NFIC: variants seen among roughly 807,000 people sequenced by gnomAD.
NFIC encodes the protein nuclear factor I C, also known as nuclear factor 1 C-type.
NFIC carries 12 observed loss-of-function variants against 54.4 expected under a neutral mutation model. That is an observed-to-expected ratio of 0.22 (90% confidence interval 0.14 to 0.36). The LOEUF (loss-of-function observed/expected upper bound fraction) is 0.36, where lower values mean the gene tolerates loss of function less well. Ranked by LOEUF, NFIC falls within the 10% of genes least tolerant of loss-of-function variation. The pLI is 1.00. For missense variants in NFIC, 575 were observed against 718.2 expected (o/e 0.80, Z 2.28); for synonymous variants, 322 against 319.2 (o/e 1.01, Z -0.09).
intron 3 of NFIC, among the ~76,000 whole-genome samples, chr19:3,432,835 C>T (rs747038975): frequency 6.6e-6 from 1 of 151,390 alleles, no homozygotes; most frequent in Admixed American, 6.6e-5. Context: ...CCACCACGCC[C>T]GGCTAATTTT....
intron 6 of NFIC, among the ~76,000 whole-genome samples, chr19:3,443,217 T>G (rs749438776): frequency 8.5e-5 from 13 of 152,282 alleles, no homozygotes; most frequent in Middle Eastern, 3.4e-3. Context: ...GAGGATCGCT[T>G]GAGCCTAGTA....
At position 3,370,113 on chromosome 19, in the gene NFIC, G is replaced by T. The variant is rs3764591; in HGVS notation, c.30+3447G>T. ...TAGGTTCTTAGAGGGAGCTTGGGGG[G>T]TGCCTACCAGGAGCAGGGGGCCTGC... On this transcript the variant is annotated intron_variant, in intron 1 of 10. Coordinates refer to ENST00000443272, the MANE Select transcript of NFIC (RefSeq NM_001245002.2). The surrounding 1 kb of genome is among the most constrained non-coding windows in gnomAD (Gnocchi z 5.2). 0.03 allele frequency among the ~76,000 whole-genome samples: 4,562 copies of T among 152,266 alleles called. 105 individuals are homozygous for T. The highest frequency in any genetic ancestry group is 0.12 in the East Asian group (609 of 5,162).
chr19:3,359,759 G>A, intron 1 of NFIC: 1 of 1,353,058 alleles, frequency 7.4e-7, no homozygotes, highest in Non-Finnish European at 9.6e-7. Context: ...GGCGAAAGTT[G>A]CAAGATCTGG....
chr19:3,456,497 C>T (rs943261945), intron 9 of NFIC, 53 bp from the exon 10 acceptor site: 2 of 1,535,578 alleles, frequency 1.3e-6, no homozygotes, highest in Non-Finnish European at 8.8e-7. Context: ...CAGGGCCGCC[C>T]CGGCTCCCAC....
chr19:3,396,314 A>G (rs1419982431), intron 2 of NFIC, among the ~76,000 whole-genome samples: 1 of 152,030 alleles, frequency 6.6e-6, no homozygotes, highest in Admixed American at 6.6e-5. Context: ...TACTAAAAAT[A>G]TGAAAATATT....
rs202152750 is a variant in NFIC, at chr19:3,462,775, GTCT to G, written c.*12_*14del. Reference sequence around the variant, plus strand: ...AGTCCTGGTATCTGGGATAGCAAAGGTCTTCTTCCCTCGCCCCTTCTCCATCGT... The same window carrying G: ...AGTCCTGGTATCTGGGATAGCAAAGGTCTTCCCTCGCCCCTTCTCCATCGT... On this transcript the variant is annotated 3_prime_UTR_variant, in exon 11 of 11. Transcript: ENST00000443272. The G allele has an allele frequency of 0.01, 16,647 of 1,613,760 alleles. 127 individuals are homozygous for G. Among genetic ancestry groups the G allele is most frequent in the Middle Eastern group, 0.038 (233 of 6,062 alleles).
intron 2 of NFIC, among the ~76,000 whole-genome samples, chr19:3,402,268 C>T (rs189725411): frequency 6.6e-6 from 1 of 152,096 alleles, no homozygotes; most frequent in Non-Finnish European, 1.5e-5. Flanking sequence ...AGGCAAGTCT[C>T]GAATGCCTGA....
intron 2 of NFIC, among the ~76,000 whole-genome samples, chr19:3,407,070 G>A (rs1353973496): frequency 2.0e-5 from 3 of 152,042 alleles, no homozygotes; most frequent in Non-Finnish European, 1.5e-5. Flanking sequence ...GAGCGCCATG[G>A]GGAGATGGGG....
intron 2 of NFIC, among the ~76,000 whole-genome samples, chr19:3,383,763 CCCCAGCCCAGG>C (rs1221190076): frequency 7.2e-5 from 11 of 152,330 alleles, no homozygotes; most frequent in African/African-American, 2.2e-4. Context: ...ACCAGCCCAG[CCCCAGCCCAGG>C]CAGCACTCTA....
chr19:3,432,391 G>A (rs910022691), intron 3 of NFIC, among the ~76,000 whole-genome samples: 5 of 152,202 alleles, frequency 3.3e-5, no homozygotes, highest in African/African-American at 9.6e-5. Context: ...CTGCAGGGTC[G>A]GGGCAGACAG....
Position 3,381,876 on chromosome 19 carries a change from G to A in NFIC, c.195G>A (p.Lys65=), listed in dbSNP as rs1202729907. Reference sequence around the variant, plus strand: ...TCAAGGACGAGCTGCTGGGCGAGAAGCCCGAGGTCAAGCAGAAGTGGGCGT... The same window carrying A: ...TCAAGGACGAGCTGCTGGGCGAGAAACCCGAGGTCAAGCAGAAGTGGGCGT... ...RAVKDELLGE[K]PEVKQKWASR... is the part of the protein sequence containing the mutation. The change falls in exon 2 of 11, where the codon AAG becomes AAA. Residue 65 remains lysine (K), a synonymous_variant. Transcript: ENST00000443272. 6.2e-7 allele frequency: 1 copy of A among 1,613,990 alleles called. No individual in the cohort carries two copies. The highest frequency in any genetic ancestry group is 2.2e-5 in the East Asian group (1 of 44,878).
chr19:3,428,784 T>C (rs2082067755), intron 3 of NFIC, among the ~76,000 whole-genome samples: 1 of 151,798 alleles, frequency 6.6e-6, no homozygotes, highest in Non-Finnish European at 1.5e-5. Context: ...GAGATGGAGC[T>C]GAGCAGGCGC....
Position 3,457,544 on chromosome 19 carries a change from C to T in NFIC, c.1509+909C>T, listed in dbSNP as rs78695420. On this transcript the variant is annotated intron_variant, in intron 10 of 10. Coordinates refer to ENST00000443272, the MANE Select transcript of NFIC (RefSeq NM_001245002.2). ...GACCTTTGAGCCTCTGCTCTCTCCCCGGTTTGTGTTGGGGAGAGGGTTGGA... is the reference window on the plus strand; with the variant it reads ...GACCTTTGAGCCTCTGCTCTCTCCCTGGTTTGTGTTGGGGAGAGGGTTGGA... Among the ~76,000 whole-genome samples, 305 of 152,236 alleles carry T rather than the reference C, an allele frequency of 2.0e-3. 5 individuals are homozygous for T. The highest frequency in any genetic ancestry group is 3.4e-3 in the Middle Eastern group (1 of 294).
intron 6 of NFIC, among the ~76,000 whole-genome samples, chr19:3,444,274 T>C (rs1179987791): frequency 6.6e-6 from 1 of 152,038 alleles, no homozygotes; most frequent in Admixed American, 6.5e-5. Context: ...GATGGGCGTG[T>C]GTGTTAAACA....
chr19:3,360,594 G>T (rs1214517798), intron 1 of NFIC, among the ~76,000 whole-genome samples: 2 of 152,172 alleles, frequency 1.3e-5, no homozygotes, highest in African/African-American at 4.8e-5. Flanking sequence ...TGGGGCCGCG[G>T]GTCCCGGCGC....
At chr19:3,393,393 A>G (rs1275649035) in intron 2 of NFIC, among the ~76,000 whole-genome samples, 1 of 152,146 alleles carries the variant, frequency 6.6e-6, no homozygotes, top group Non-Finnish European at 1.5e-5. Context: ...AGTGGTTTCT[A>G]GATTCTCCAG....
chr19:3,397,899 C>T (rs1257779882), intron 2 of NFIC, among the ~76,000 whole-genome samples: 4 of 152,162 alleles, frequency 2.6e-5, no homozygotes, highest in African/African-American at 9.7e-5. Flanking sequence ...ACCCTCGTGG[C>T]TTGGGGGAGG....
intron 10 of NFIC, among the ~76,000 whole-genome samples, chr19:3,460,503 T>G (rs187942361): frequency 6.6e-6 from 1 of 151,950 alleles, no homozygotes; most frequent in Non-Finnish European, 1.5e-5. Context: ...AATTTTTTTT[T>G]GTTTTTTTTT....
chr19:3,462,994 C>T lies in NFIC; in HGVS notation c.*225C>T. 2.8e-6 allele frequency: 4 copies of T among 1,403,860 alleles called. No individual in the cohort carries two copies. The highest frequency in any genetic ancestry group is 3.7e-6 in the Non-Finnish European group (4 of 1,085,272). 87.0% of individuals were successfully genotyped at this position (1,403,860 alleles called of 1,614,324 possible). On this transcript the variant is annotated 3_prime_UTR_variant, in exon 11 of 11. Coordinates refer to ENST00000443272, the MANE Select transcript of NFIC (RefSeq NM_001245002.2). ...AAGAAGAAATAAAAACCCACCCAAG[C>T]AAGAAGACAAAAGGTAAAGACGCAA...
Sources: allele counts gnomAD v4.1 joint callset (sites outside exome capture counted in the v4.1 genomes callset), GRCh38; gene constraint gnomAD v4.1.1; non-coding constraint Gnocchi (gnomAD v3.1); transcripts MANE v1.5; gene names NCBI Gene and HGNC (gene_info 2026-07-23, HGNC 2026-07-21).